Variants in EVI5 observed in about 807,000 individuals in gnomAD.
EVI5 encodes ecotropic viral integration site 5 protein homolog.
In EVI5, 73 loss-of-function variants were observed where a neutral mutation model predicts 112.0. The observed-to-expected ratio is 0.65, with a 90% CI of 0.54 to 0.79. The LOEUF is 0.79. Ranked by LOEUF, EVI5 falls within the 30% of genes least tolerant of loss-of-function variation. EVI5 has a pLI of 0.00. For synonymous variants in EVI5, 305 were observed against 319.9 expected, an observed-to-expected ratio of 0.95 and a Z score of 0.50; for missense variants, 900 against 968.8, an observed-to-expected ratio of 0.93 and a Z score of 0.94.
At chr1:92,671,482 T>C (rs995535196) in intron 10 of EVI5, among the ~76,000 whole-genome samples, 1 of 152,214 alleles carries the variant, frequency 6.6e-6, no homozygotes, top group Non-Finnish European at 1.5e-5. Context: ...TTCAATACTA[T>C]GACCCCGCCA....
intron 2 of EVI5, among the ~76,000 whole-genome samples, chr1:92,729,782 G>A (rs1570631093): frequency 6.6e-6 from 1 of 151,890 alleles, no homozygotes; most frequent in African/African-American, 2.4e-5. Flanking sequence ...ATTTTAAAAT[G>A]TATTTTCCAT....
intron 1 of EVI5, among the ~76,000 whole-genome samples, chr1:92,760,823 G>A (rs1379615009): frequency 1.3e-5 from 2 of 151,780 alleles, no homozygotes; most frequent in Non-Finnish European, 2.9e-5. Context: ...TTGGGAGGCC[G>A]AGGCGGGCAG....
intron 1 of EVI5, among the ~76,000 whole-genome samples, chr1:92,781,756 A>C (rs1314532919): frequency 6.6e-6 from 1 of 151,846 alleles, no homozygotes; most frequent in Non-Finnish European, 1.5e-5. Context: ...GGAGTTCGAG[A>C]CCAGCCTATG....
intron 16 of EVI5, among the ~76,000 whole-genome samples, chr1:92,614,522 C>A (rs1307290438): frequency 6.6e-6 from 1 of 152,024 alleles, no homozygotes; most frequent in Admixed American, 6.6e-5. Context: ...GGCAGATCCA[C>A]CCTTAATCTG....
chr1:92,714,890 C>A (rs760931472), intron 2 of EVI5, among the ~76,000 whole-genome samples: 1 of 152,188 alleles, frequency 6.6e-6, no homozygotes, highest in Non-Finnish European at 1.5e-5. Flanking sequence ...TGCACCTAAC[C>A]TTTACTTTTA....
chr1:92,595,639 G>A (rs1647579144), intron 18 of EVI5, among the ~76,000 whole-genome samples: 1 of 152,162 alleles, frequency 6.6e-6, no homozygotes, highest in Non-Finnish European at 1.5e-5. Flanking sequence ...GGAGGAAAAT[G>A]AGATGACAGA....
At chr1:92,718,181 G>A (rs938079313) in intron 2 of EVI5, among the ~76,000 whole-genome samples, 2 of 152,010 alleles carry the variant, frequency 1.3e-5, no homozygotes, top group East Asian at 1.9e-4. Flanking sequence ...CTCAGCTCTC[G>A]AGCAAGCAGA....
At chr1:92,757,972 A>G (rs1455885085) in intron 1 of EVI5, among the ~76,000 whole-genome samples, 2 of 151,822 alleles carry the variant, frequency 1.3e-5, no homozygotes, top group East Asian at 3.9e-4. Context: ...AATAACCACA[A>G]TGTTCATCAA....
chr1:92,537,399 T>A (rs1664076515), intron 19 of EVI5, among the ~76,000 whole-genome samples: 1 of 152,196 alleles, frequency 6.6e-6, no homozygotes, highest in Admixed American at 6.5e-5. Flanking sequence ...CAATTTTAAA[T>A]AACAATGTAT....
chr1:92,786,358 G>A (rs1477724637), upstream of EVI5, among the ~76,000 whole-genome samples: 3 of 151,848 alleles, frequency 2.0e-5, no homozygotes, highest in African/African-American at 7.3e-5. Flanking sequence ...TTTATCTGAG[G>A]CATATGTTTG....
intron 19 of EVI5, among the ~76,000 whole-genome samples, chr1:92,523,884 G>A (rs536303231): frequency 3.3e-5 from 5 of 152,114 alleles, no homozygotes; most frequent in African/African-American, 9.6e-5. Flanking sequence ...TCAGAAGTTC[G>A]AGACCAGCCT....
intron 18 of EVI5, among the ~76,000 whole-genome samples, chr1:92,595,271 T>C (rs576912781): frequency 1.6e-3 from 237 of 151,662 alleles, no homozygotes; most frequent in Middle Eastern, 3.4e-3. Context: ...TGTAGGGACA[T>C]GGATGAAGCT....
chr1:92,663,350 C>T (rs1405752307), intron 12 of EVI5, 70 bp downstream of exon 12: 14 of 698,200 alleles, frequency 2.0e-5, no homozygotes, highest in East Asian at 8.8e-5. Context: ...ATATGAATTT[C>T]GAGGTTTAGG....
chr1:92,604,865 T>C (rs984017101), intron 18 of EVI5, among the ~76,000 whole-genome samples: 1 of 152,192 alleles, frequency 6.6e-6, no homozygotes, highest in African/African-American at 2.4e-5. Flanking sequence ...ACCATTACCA[T>C]ATATGCTGTC....
chr1:92,565,423 C>T (rs556721313), intron 18 of EVI5, among the ~76,000 whole-genome samples: 3 of 152,142 alleles, frequency 2.0e-5, no homozygotes, highest in South Asian at 4.2e-4. Context: ...GTAAAAGTTA[C>T]CTTAGTAATA....
intron 18 of EVI5, among the ~76,000 whole-genome samples, chr1:92,571,265 C>T (rs1054324590): frequency 1.3e-5 from 2 of 149,254 alleles, no homozygotes; most frequent in African/African-American, 5.0e-5. Flanking sequence ...GATTAAGCAG[C>T]TCCAGGCTAT....
intron 2 of EVI5, among the ~76,000 whole-genome samples, chr1:92,716,264 AG>A (rs1673665917): frequency 6.6e-6 from 1 of 152,170 alleles, no homozygotes; most frequent in Non-Finnish European, 1.5e-5. Flanking sequence ...GAGCTTCCAG[AG>A]GAAAGATCAG....
intron 1 of EVI5, chr1:92,755,723 T>G (rs1392236451): frequency 6.6e-6 from 1 of 152,010 alleles, no homozygotes; most frequent in Admixed American, 6.6e-5. Flanking sequence ...GCAGCACCAG[T>G]GGGGCCGACG....
At chr1:92,715,741 CG>C (rs1673541162) in intron 2 of EVI5, among the ~76,000 whole-genome samples, 1 of 152,120 alleles carries the variant, frequency 6.6e-6, no homozygotes, top group South Asian at 2.1e-4. Flanking sequence ...CCTGGAAAAA[CG>C]GGACACTCCT....
Sources: allele counts gnomAD v4.1 joint callset (sites outside exome capture counted in the v4.1 genomes callset), GRCh38; gene constraint gnomAD v4.1.1; transcripts MANE v1.5; gene names NCBI Gene and HGNC (gene_info 2026-07-23, HGNC 2026-07-21).